DOK6: variants seen among roughly 807,000 people sequenced by gnomAD.
DOK6 encodes the protein downstream of tyrosine kinase 6.
A neutral mutation model predicts 44.0 loss-of-function variants in DOK6; 22 were observed. The ratio of observed to expected loss-of-function variants is 0.50; its 90% CI spans 0.36 to 0.71. DOK6 has a LOEUF of 0.71. DOK6 is among the 30% of genes least tolerant of loss of function. DOK6 has a pLI of 0.00. For synonymous variants in DOK6, 166 were observed against 145.5 expected (o/e 1.14, Z -1.01); for missense variants, 340 against 416.4 (o/e 0.82, Z 1.60).
chr18:69,496,005 G>T (rs189114395), intron 1 of DOK6, among the ~76,000 whole-genome samples: 6 of 152,194 alleles, frequency 3.9e-5, no homozygotes, highest in Non-Finnish European at 7.3e-5. Context: ...TGAAACTTGC[G>T]GGGGGAGATG....
intron 5 of DOK6, among the ~76,000 whole-genome samples, chr18:69,708,890 G>T (rs955711404): frequency 6.6e-6 from 1 of 151,778 alleles, no homozygotes; most frequent in Non-Finnish European, 1.5e-5. Context: ...TACCTGCACA[G>T]CACTGGACAG....
At chr18:69,462,027 T>A (rs938296610) in intron 1 of DOK6, among the ~76,000 whole-genome samples, 6 of 152,190 alleles carry the variant, frequency 3.9e-5, no homozygotes, top group Admixed American at 3.3e-4. Context: ...GGAAGACAAA[T>A]TCCCTTGAAA....
intron 7 of DOK6, among the ~76,000 whole-genome samples, chr18:69,798,602 G>A (rs1324778094): frequency 6.6e-6 from 1 of 151,984 alleles, no homozygotes; most frequent in African/African-American, 2.4e-5. Flanking sequence ...CTCTGTGAAA[G>A]TTTAGGTTAT....
chr18:69,527,342 G>C (rs1002084346), intron 1 of DOK6, among the ~76,000 whole-genome samples: 1 of 152,184 alleles, frequency 6.6e-6, no homozygotes, highest in Non-Finnish European at 1.5e-5. Context: ...AATGGCTAGG[G>C]AGGCCTCAGG....
At chr18:69,758,559 A>C (rs1305492514) in intron 7 of DOK6, among the ~76,000 whole-genome samples, 1 of 152,134 alleles carries the variant, frequency 6.6e-6, no homozygotes, top group South Asian at 2.1e-4. Context: ...TTTTAAACTG[A>C]ATAATCTTAC....
chr18:69,711,182 C>T (rs1461213952), intron 5 of DOK6, among the ~76,000 whole-genome samples: 1 of 152,182 alleles, frequency 6.6e-6, no homozygotes, highest in African/African-American at 2.4e-5. Flanking sequence ...AAAACAAATG[C>T]ACAGAGATCC....
intron 5 of DOK6, among the ~76,000 whole-genome samples, chr18:69,705,765 A>G (rs1353229475): frequency 6.6e-6 from 1 of 152,070 alleles, no homozygotes; most frequent in Non-Finnish European, 1.5e-5. Context: ...AAAATTCTCA[A>G]TTTCTTTCTA....
intron 1 of DOK6, among the ~76,000 whole-genome samples, chr18:69,508,140 C>A (rs1015161933): frequency 1.3e-5 from 2 of 151,860 alleles, no homozygotes; most frequent in Admixed American, 6.6e-5. Context: ...ATTATATAAT[C>A]TTTTGATATG....
At chr18:69,718,956 TCA>T (rs1161118350) in intron 5 of DOK6, among the ~76,000 whole-genome samples, 1 of 152,122 alleles carries the variant, frequency 6.6e-6, no homozygotes. Context: ...TAGTATAATA[TCA>T]CAGTTTAATA....
intron 6 of DOK6, among the ~76,000 whole-genome samples, chr18:69,742,759 A>G (rs954579515): frequency 1.3e-5 from 2 of 152,214 alleles, no homozygotes; most frequent in Admixed American, 1.3e-4. Context: ...TGCTCAGAAC[A>G]AGATTATTGC....
chr18:69,649,589 G>T lies in DOK6; in HGVS notation c.290-28145G>T, dbSNP rs1008914212. Among the ~76,000 whole-genome samples the T allele has an allele frequency of 2.0e-5, 3 of 152,222 alleles. No individual in the cohort carries two copies. In the East Asian group the frequency reaches 5.8e-4, roughly 29 times the overall value. ...TGCATCCCCCTTCTTAAAGATAGTGGAGTCTTAACAGACTTTATAATTGGA... is the reference window on the plus strand; with the variant it reads ...TGCATCCCCCTTCTTAAAGATAGTGTAGTCTTAACAGACTTTATAATTGGA... On this transcript the variant is annotated intron_variant, in intron 3 of 7. Transcript: ENST00000382713.
chr18:69,466,329 C>T (rs1317796379), intron 1 of DOK6, among the ~76,000 whole-genome samples: 1 of 152,144 alleles, frequency 6.6e-6, no homozygotes, highest in Non-Finnish European at 1.5e-5. Flanking sequence ...CATGATGTCA[C>T]AAATGTCAGG....
chr18:69,811,807 G>A (rs1326797128), intron 7 of DOK6, among the ~76,000 whole-genome samples: 1 of 151,736 alleles, frequency 6.6e-6, no homozygotes, highest in African/African-American at 2.4e-5. Context: ...CAGAGGTACT[G>A]GACAGCAAAG....
intron 7 of DOK6, among the ~76,000 whole-genome samples, chr18:69,799,956 TG>T (rs1336126758): frequency 3.9e-5 from 6 of 152,080 alleles, no homozygotes; most frequent in Non-Finnish European, 7.4e-5. Flanking sequence ...TTTCAAGGGG[TG>T]GGAATCGGTT....
intron 1 of DOK6, among the ~76,000 whole-genome samples, chr18:69,494,862 A>G (rs1980837042): frequency 6.6e-6 from 1 of 152,214 alleles, no homozygotes; most frequent in Non-Finnish European, 1.5e-5. Context: ...CTCTGTGGCC[A>G]GTGGCACCTT....
At chr18:69,647,456 C>T (rs1247753939) in intron 3 of DOK6, 2 of 152,104 alleles carry the variant, frequency 1.3e-5, no homozygotes, top group African/African-American at 4.8e-5. Context: ...GTTGAAAGCA[C>T]GTCACTTCCA....
chr18:69,411,241 T>A (rs935212805), intron 1 of DOK6, among the ~76,000 whole-genome samples: 7 of 152,116 alleles, frequency 4.6e-5, no homozygotes, highest in African/African-American at 1.7e-4. Context: ...TGTGGAGTAA[T>A]GAGAAAAGAT....
intron 7 of DOK6, among the ~76,000 whole-genome samples, chr18:69,839,804 GC>G (rs1043551547): frequency 2.6e-5 from 4 of 152,206 alleles, no homozygotes; most frequent in African/African-American, 9.6e-5. Flanking sequence ...CGGTGGCAGA[GC>G]CAGGGGCGTG....
At position 69,841,437 on chromosome 18, in the gene DOK6, G is replaced by C; in HGVS notation, c.*54G>C. 6.2e-7 allele frequency: 1 copy of C among 1,607,080 alleles called. No individual in the cohort carries two copies. The highest frequency in any genetic ancestry group is 8.5e-7 in the Non-Finnish European group (1 of 1,175,534). On this transcript the variant is annotated 3_prime_UTR_variant, in exon 8 of 8. Coordinates refer to ENST00000382713, the MANE Select transcript of DOK6 (RefSeq NM_152721.6). The stretch of plus-strand genomic sequence containing the variant: ...GACAGTCTGTCCTGGACCCGTCTGT[G>C]GGGTCATTACCCTCTGCCTCCTGGA...
Sources: gnomAD v4.1 joint callset for allele counts (sites outside exome capture counted in the v4.1 genomes callset) on GRCh38, gnomAD v4.1.1 for gene constraint, MANE v1.5 for transcripts, NCBI Gene and HGNC (gene_info 2026-07-23, HGNC 2026-07-21) for gene names.